Variants in SGCD observed in about 807,000 individuals in gnomAD.
The protein encoded by SGCD is sarcoglycan delta, also known as delta-sarcoglycan.
SGCD carries 18 observed loss-of-function variants against 36.6 expected under a neutral mutation model. The observed-to-expected ratio is 0.49, with a 90% CI of 0.34 to 0.73. The LOEUF (loss-of-function observed/expected upper bound fraction) is 0.73. Ranked by LOEUF, SGCD falls within the 30% of genes least tolerant of loss-of-function variation. SGCD has a pLI of 0.01. For missense variants in SGCD, 387 were observed against 346.7 expected, an observed-to-expected ratio of 1.12 and a Z score of -0.92; for synonymous variants, 133 against 130.6, an observed-to-expected ratio of 1.02 and a Z score of -0.12.
chr5:156,099,271 A>G (rs1446325024), intron 1 of SGCD, among the ~76,000 whole-genome samples: 1 of 152,176 alleles, frequency 6.6e-6, no homozygotes, highest in African/African-American at 2.4e-5. Flanking sequence ...GATCTATGCC[A>G]TCTTATCCTG....
intron 1 of SGCD, among the ~76,000 whole-genome samples, chr5:155,957,532 GA>G (rs754386844): frequency 2.0e-5 from 3 of 152,078 alleles, no homozygotes; most frequent in Non-Finnish European, 4.4e-5. Context: ...CTCTAGGGGA[GA>G]ATCTATATCC....
chr5:156,137,793 A>C (rs759610525), intron 3 of SGCD, among the ~76,000 whole-genome samples: 38 of 152,304 alleles, frequency 2.5e-4, no homozygotes, highest in Non-Finnish European at 4.7e-4. Context: ...TGCCTGCCAA[A>C]TATGGGTGGT....
chr5:156,440,704 G>A (rs979797243), intron 3 of SGCD, among the ~76,000 whole-genome samples: 2 of 152,028 alleles, frequency 1.3e-5, no homozygotes, highest in African/African-American at 4.8e-5. Flanking sequence ...TTTCCCTATT[G>A]ATGAATGATA....
At chr5:155,826,340 T>G in the SGCD span, among the ~76,000 whole-genome samples, 1 of 152,240 alleles carries the variant, frequency 6.6e-6, no homozygotes, top group Non-Finnish European at 1.5e-5. Flanking sequence ...TGAGATGATC[T>G]TACTTCCCTG....
At chr5:156,462,512 T>C (rs1754529248) in intron 3 of SGCD, among the ~76,000 whole-genome samples, 2 of 152,162 alleles carry the variant, frequency 1.3e-5, no homozygotes, top group Admixed American at 1.3e-4. Flanking sequence ...GGTGGGTAGA[T>C]ACAATTTTGA....
intron 2 of SGCD, among the ~76,000 whole-genome samples, chr5:156,343,494 G>C (rs1768775933): frequency 6.6e-6 from 1 of 152,262 alleles, no homozygotes; most frequent in Middle Eastern, 3.4e-3. Context: ...TTATTTTCCA[G>C]TTTGAGTGAT....
At chr5:155,904,774 C>G (rs1756466305) in intron 1 of SGCD, among the ~76,000 whole-genome samples, 1 of 152,150 alleles carries the variant, frequency 6.6e-6, no homozygotes, top group East Asian at 1.9e-4. Context: ...AAAGTACCAT[C>G]TTATCTTTTG....
intron 3 of SGCD, among the ~76,000 whole-genome samples, chr5:156,251,706 G>C (rs903332762): frequency 6.6e-6 from 1 of 151,902 alleles, no homozygotes; most frequent in Non-Finnish European, 1.5e-5. Flanking sequence ...AGTAGAGACT[G>C]GGTTTCACCA....
chr5:156,443,879 C>A (rs2127798413), intron 3 of SGCD, among the ~76,000 whole-genome samples: 1 of 152,276 alleles, frequency 6.6e-6, no homozygotes. Flanking sequence ...ACACACTTGA[C>A]TTGCATTTGC....
intron 7 of SGCD, among the ~76,000 whole-genome samples, chr5:156,714,671 A>C (rs1278969275): frequency 6.6e-6 from 1 of 152,212 alleles, no homozygotes. Flanking sequence ...TGCCTTGATA[A>C]AACATAACTG....
intron 1 of SGCD, among the ~76,000 whole-genome samples, chr5:156,075,542 T>G (rs1049729300): frequency 1.3e-5 from 2 of 152,144 alleles, no homozygotes; most frequent in Non-Finnish European, 2.9e-5. Context: ...ATTTAAGGGT[T>G]GGAATCAATC....
At chr5:156,081,224 A>G (rs1341263516) in intron 1 of SGCD, among the ~76,000 whole-genome samples, 5 of 152,134 alleles carry the variant, frequency 3.3e-5, no homozygotes, top group Non-Finnish European at 5.9e-5. Flanking sequence ...AAACAAACTT[A>G]TCTCATGAGT....
chr5:156,436,982 C>G (rs1753272989), intron 3 of SGCD, among the ~76,000 whole-genome samples: 1 of 152,082 alleles, frequency 6.6e-6, no homozygotes, highest in African/African-American at 2.4e-5. Flanking sequence ...ACAGAAAAGT[C>G]CTGGCTGTCA....
At chr5:156,741,597 C>A (rs1246612539) in intron 7 of SGCD, among the ~76,000 whole-genome samples, 2 of 151,430 alleles carry the variant, frequency 1.3e-5, no homozygotes, top group Non-Finnish European at 2.9e-5. Context: ...TTGTCATATT[C>A]CCTGGGCCGA....
intron 3 of SGCD, among the ~76,000 whole-genome samples, chr5:156,487,604 G>A (rs943845992): frequency 2.6e-4 from 39 of 151,526 alleles, no homozygotes; most frequent in South Asian, 1.0e-3. Flanking sequence ...CCTGACCAAC[G>A]TGGTGAAACC....
the SGCD span, among the ~76,000 whole-genome samples, chr5:155,777,652 G>A: frequency 1.3e-5 from 2 of 152,172 alleles, no homozygotes; most frequent in African/African-American, 4.8e-5. Flanking sequence ...CACAGTGCCC[G>A]GCCATAGAAA....
chr5:156,114,199 G>A (rs1761856480), intron 1 of SGCD, among the ~76,000 whole-genome samples: 1 of 152,116 alleles, frequency 6.6e-6, no homozygotes, highest in Admixed American at 6.6e-5. Context: ...TGTAAGAAAT[G>A]TAGCACGCCA....
intron 3 of SGCD, among the ~76,000 whole-genome samples, chr5:156,351,999 G>A (rs1054761380): frequency 2.6e-5 from 4 of 152,178 alleles, no homozygotes; most frequent in East Asian, 3.9e-4. Flanking sequence ...ATGTCATCTC[G>A]GGCATCTTCC....
In SGCD at chr5:156,663,790, G is replaced by A. The variant is rs1388445508; in HGVS notation, c.575+16254G>A. ...TACATAAATCTACTGCTGCACTGCC[G>A]CTTGTGGTGAGGGACAATTGTTGTA... On this transcript the variant is annotated intron_variant, in intron 7 of 8. Coordinates refer to ENST00000337851, the MANE Select transcript of SGCD (RefSeq NM_000337.6). Among the ~76,000 whole-genome samples, 389 of 145,348 alleles carry A rather than the reference G, an allele frequency of 2.7e-3. 11 individuals carry two copies. Among genetic ancestry groups the A allele is most frequent in the African/African-American group, 7.9e-3 (294 of 37,290 alleles).
Sources: allele counts gnomAD v4.1 joint callset (sites outside exome capture counted in the v4.1 genomes callset), GRCh38; gene constraint gnomAD v4.1.1; transcripts MANE v1.5; gene names NCBI Gene and HGNC (gene_info 2026-07-23, HGNC 2026-07-21).